IMPG1: variants seen among roughly 807,000 people sequenced by gnomAD.
IMPG1 encodes interphotoreceptor matrix proteoglycan 1.
Under a neutral mutation model 92.0 loss-of-function variants are expected in IMPG1, and 85 were observed. The observed-to-expected ratio is 0.92, with a 90% CI of 0.78 to 1.11. The LOEUF is 1.11. Ranked by LOEUF, IMPG1 falls within the 50% of genes least tolerant of loss-of-function variation. The probability of loss-of-function intolerance (pLI) is 0.00; values close to 1 mark genes in which losing one functional copy is unlikely to be tolerated. For missense variants in IMPG1, 1,022 were observed against 956.0 expected, an observed-to-expected ratio of 1.07 and a Z score of -0.91; for synonymous variants, 367 against 334.1, an observed-to-expected ratio of 1.10 and a Z score of -1.08.
intron 14 of IMPG1, among the ~76,000 whole-genome samples, chr6:75,939,683 T>C (rs1781806675): frequency 6.6e-6 from 1 of 152,226 alleles, no homozygotes; most frequent in African/African-American, 2.4e-5. Context: ...TCCTTTGAGA[T>C]GTAAACCTTT....
intron 8 of IMPG1, among the ~76,000 whole-genome samples, chr6:76,010,060 G>T (rs1389944972): frequency 6.6e-6 from 1 of 152,158 alleles, no homozygotes; most frequent in Non-Finnish European, 1.5e-5. Flanking sequence ...AGATATTAAG[G>T]GTTTCATCTT....
chr6:76,053,160 T>C (rs886237371), intron 1 of IMPG1, among the ~76,000 whole-genome samples: 1 of 152,184 alleles, frequency 6.6e-6, no homozygotes, highest in Non-Finnish European at 1.5e-5. Context: ...TCTCCATAAG[T>C]TTCAGAATGT....
At chr6:75,990,980 C>A (rs1782804552) in intron 12 of IMPG1, among the ~76,000 whole-genome samples, 1 of 152,194 alleles carries the variant, frequency 6.6e-6, no homozygotes, top group Admixed American at 6.5e-5. Context: ...TATACCTGTA[C>A]TAATGCAATT....
rs149099413 is a variant in IMPG1 at position 76,068,181 on chromosome 6, T to C, written c.67+4241A>G. 1.8e-3 allele frequency among the ~76,000 whole-genome samples: 272 copies of C among 152,294 alleles called. 5 individuals carry two copies. The East Asian group carries it at 0.033, about 19-fold the overall frequency. ...CTATTCAACATAGTGCTGGAAGTCCTAGCCAGAGTAATCAGGCAAAAGAAA... is the reference window on the plus strand; with the variant it reads ...CTATTCAACATAGTGCTGGAAGTCCCAGCCAGAGTAATCAGGCAAAAGAAA... On this transcript the variant is annotated intron_variant, in intron 1 of 16. Coordinates refer to ENST00000369950, the MANE Select transcript of IMPG1 (RefSeq NM_001563.4).
intron 14 of IMPG1, among the ~76,000 whole-genome samples, chr6:75,944,021 G>C (rs1213885372): frequency 6.6e-6 from 1 of 152,220 alleles, no homozygotes; most frequent in Non-Finnish European, 1.5e-5. Flanking sequence ...TCATGCATTA[G>C]CATGTTATAT....
chr6:76,004,117 G>A (rs148533120), intron 10 of IMPG1, among the ~76,000 whole-genome samples, 167 bp from the exon 11 acceptor site: 1 of 152,176 alleles, frequency 6.6e-6, no homozygotes, highest in African/African-American at 2.4e-5. Context: ...TAATCTGAAT[G>A]ATATATTGAA....
intron 12 of IMPG1, among the ~76,000 whole-genome samples, chr6:75,985,808 A>G (rs1337607374): frequency 6.6e-6 from 1 of 152,208 alleles, no homozygotes; most frequent in Non-Finnish European, 1.5e-5. Flanking sequence ...GTGCACCTCT[A>G]TATGCACTTA....
intron 12 of IMPG1, among the ~76,000 whole-genome samples, chr6:75,974,329 C>CTTT (rs1562354302): frequency 1.6e-5 from 2 of 122,724 alleles, no homozygotes; most frequent in Non-Finnish European, 3.6e-5. Flanking sequence ...CTCTTTCTTT[C>CTTT]CCTTTCTTTC....
intron 7 of IMPG1, among the ~76,000 whole-genome samples, chr6:76,012,722 T>C (rs1330459940): frequency 5.3e-5 from 8 of 152,238 alleles, no homozygotes; most frequent in Non-Finnish European, 1.2e-4. Context: ...CCCCGGGGGA[T>C]ATCATTTTCT....
intron 14 of IMPG1, chr6:75,934,822 C>A: frequency 2.5e-6 from 1 of 393,338 alleles, no homozygotes. Flanking sequence ...TCAACCTTGT[C>A]CTGCTCTTGC....
Position 76,004,518 on chromosome 6 carries a change from G to A in IMPG1, c.1136-568C>T, listed in dbSNP as rs1027186415. The stretch of plus-strand genomic sequence containing the variant: ...TCTAGTGTTAAGAGTGCCTATCTTA[G>A]GCAGAAAACAGAACTGGCAGAAAAT... On this transcript the variant is annotated intron_variant, in intron 10 of 16. Coordinates refer to ENST00000369950, the MANE Select transcript of IMPG1 (RefSeq NM_001563.4). Among the ~76,000 whole-genome samples, 7 of 152,128 alleles carry A rather than the reference G, an allele frequency of 4.6e-5. No homozygotes were observed. In the East Asian group the frequency reaches 1.3e-3, roughly 29 times the overall value.
intron 12 of IMPG1, among the ~76,000 whole-genome samples, chr6:75,983,279 A>T (rs1782659354): frequency 6.6e-6 from 1 of 152,048 alleles, no homozygotes; most frequent in African/African-American, 2.4e-5. Context: ...CTTCTCTTTT[A>T]ATTAAGTGCA....
intron 1 of IMPG1, among the ~76,000 whole-genome samples, chr6:76,042,760 G>T (rs946264734): frequency 2.0e-5 from 3 of 152,120 alleles, no homozygotes; most frequent in African/African-American, 7.2e-5. Context: ...CCCAACAAGG[G>T]GGAGGCTGGC....
intron 11 of IMPG1, 131 bp from the exon 12 acceptor site, chr6:76,003,127 A>G (rs1268064029): frequency 1.5e-6 from 1 of 669,858 alleles, no homozygotes; most frequent in Non-Finnish European, 2.7e-6. Flanking sequence ...TGAATCTACT[A>G]TGGAGGAAGG....
At chr6:76,062,307 T>C (rs1784220098) in intron 1 of IMPG1, among the ~76,000 whole-genome samples, 1 of 152,212 alleles carries the variant, frequency 6.6e-6, no homozygotes. Flanking sequence ...TAGTTTTCTT[T>C]TGTTGAATAT....
At chr6:75,991,420 G>A (rs1186373033) in intron 12 of IMPG1, among the ~76,000 whole-genome samples, 1 of 151,518 alleles carries the variant, frequency 6.6e-6, no homozygotes, top group Non-Finnish European at 1.5e-5. Context: ...GGCAAAAGAG[G>A]CAGACACACT....
intron 14 of IMPG1, chr6:75,934,927 T>C (rs555840468): frequency 2.1e-4 from 99 of 471,130 alleles, no homozygotes; most frequent in African/African-American, 1.8e-3. Context: ...ACTCACGTGT[T>C]GGACAGAAAG....
At chr6:75,947,163 T>G (rs1283107394) in intron 14 of IMPG1, 151 bp downstream of exon 14, 1 of 628,572 alleles carries the variant, frequency 1.6e-6, no homozygotes, top group African/African-American at 1.8e-5. Flanking sequence ...TTTCTAATGA[T>G]GTGCTCCATA....
At chr6:76,058,082 T>A (rs1784150182) in intron 1 of IMPG1, among the ~76,000 whole-genome samples, 1 of 152,198 alleles carries the variant, frequency 6.6e-6, no homozygotes, top group Admixed American at 6.6e-5. Context: ...CCTAGCATAT[T>A]TTGGACATTA....
Sources: gnomAD v4.1 joint callset for allele counts (sites outside exome capture counted in the v4.1 genomes callset) on GRCh38, gnomAD v4.1.1 for gene constraint, MANE v1.5 for transcripts, NCBI Gene and HGNC (gene_info 2026-07-23, HGNC 2026-07-21) for gene names.